LYPLA1: variants seen among roughly 807,000 people sequenced by gnomAD.
LYPLA1 encodes lysophospholipase 1.
Under a neutral mutation model 34.0 loss-of-function variants are expected in LYPLA1, and 17 were observed. The observed-to-expected ratio is 0.50, with a 90% confidence interval of 0.34 to 0.75. LYPLA1 has a LOEUF of 0.75. Among genes scored for constraint, LYPLA1 ranks in the 30% least tolerant of loss-of-function variants. The pLI is 0.01. For missense variants in LYPLA1, 203 were observed against 288.8 expected (o/e 0.70, Z 2.15); for synonymous variants, 98 against 100.8 (o/e 0.97, Z 0.17).
At chr8:54,093,674 C>T (rs1809475540) in intron 2 of LYPLA1, among the ~76,000 whole-genome samples, 1 of 152,152 alleles carries the variant, frequency 6.6e-6, no homozygotes, top group African/African-American at 2.4e-5. Context: ...TCGTATGTCT[C>T]ACCCTTTAAT....
chr8:54,096,801 T>C (rs1809721988), intron 2 of LYPLA1, among the ~76,000 whole-genome samples: 1 of 151,336 alleles, frequency 6.6e-6, no homozygotes, highest in African/African-American at 2.4e-5. Context: ...CCCAGCTACT[T>C]GGGAGGCTGA....
At chr8:54,095,205 C>T (rs1212472445) in intron 2 of LYPLA1, among the ~76,000 whole-genome samples, 2 of 152,070 alleles carry the variant, frequency 1.3e-5, no homozygotes, top group African/African-American at 4.8e-5. Flanking sequence ...TCATGTTGGC[C>T]AGGCTGGTAC....
chr8:54,062,188 T>G (rs574511182), intron 5 of LYPLA1, 66 bp downstream of exon 5: 1 of 1,150,182 alleles, frequency 8.7e-7, no homozygotes, highest in Admixed American at 1.9e-5. Context: ...AGTAGCGATA[T>G]GATTACTAAA....
chr8:54,052,762 A>G lies in LYPLA1; in HGVS notation c.361-6T>C. On this transcript the variant is annotated splice_polypyrimidine_tract_variant and splice_region_variant and intron_variant, in intron 6 of 8. Coordinates refer to ENST00000316963, the MANE Select transcript of LYPLA1 (RefSeq NM_006330.4). ...TATAAAGATAAAGCTCCTCCCTGAA[A>G]AGACAAGCAGGGAAAGTCAATGGAA... 1 of 1,585,358 alleles carries G rather than the reference A, an allele frequency of 6.3e-7. No individual in the cohort carries two copies. The highest frequency in any genetic ancestry group is 8.7e-7 in the Non-Finnish European group (1 of 1,154,624).
At chr8:54,081,697 G>A (rs1036331338) in intron 2 of LYPLA1, among the ~76,000 whole-genome samples, 4 of 150,942 alleles carry the variant, frequency 2.7e-5, no homozygotes, top group Non-Finnish European at 5.9e-5. Flanking sequence ...TTACAGGCGT[G>A]CACCACTGCG....
rs1322589215 is a variant in LYPLA1, at chr8:54,059,534, G to A, written c.286+2720C>T. The stretch of plus-strand genomic sequence containing the variant: ...TTAGCCAGGATGGTCTCGATCTCCT[G>A]ACCTCATGATCCACCCGCCTCGGCC... On this transcript the variant is annotated intron_variant, in intron 5 of 8. Transcript: ENST00000316963. 6.7e-5 allele frequency among the ~76,000 whole-genome samples: 5 copies of A among 74,090 alleles called. 1 individual carries two copies. The highest frequency in any genetic ancestry group is 3.8e-4 in the African/African-American group (3 of 7,894). 48.6% of individuals were successfully genotyped at this position (74,090 alleles called of 152,430 possible).
chr8:54,053,377 A>G, intron 6 of LYPLA1: 1 of 310,200 alleles, frequency 3.2e-6, no homozygotes, highest in South Asian at 2.9e-5. Flanking sequence ...TACAGGTGTG[A>G]GCCACCGTGC....
intron 2 of LYPLA1, among the ~76,000 whole-genome samples, chr8:54,098,513 T>C (rs1450797756): frequency 6.6e-6 from 1 of 152,112 alleles, no homozygotes; most frequent in Non-Finnish European, 1.5e-5. Context: ...ACCCCATCTC[T>C]ACTAAAAATA....
chr8:54,088,637 T>C (rs1184823806), intron 2 of LYPLA1, among the ~76,000 whole-genome samples: 1 of 152,218 alleles, frequency 6.6e-6, no homozygotes, highest in Non-Finnish European at 1.5e-5. Flanking sequence ...ACTAAAAACA[T>C]ATGTCCATAC....
intron 2 of LYPLA1, among the ~76,000 whole-genome samples, chr8:54,076,290 A>T (rs564536349): frequency 2.5e-3 from 377 of 152,328 alleles, no homozygotes; most frequent in Non-Finnish European, 4.4e-3. Flanking sequence ...AATGCCAGGA[A>T]CTGGAGTGCT....
At chr8:54,074,828 T>C (rs1336554086) in intron 2 of LYPLA1, among the ~76,000 whole-genome samples, 2 of 152,254 alleles carry the variant, frequency 1.3e-5, no homozygotes, top group African/African-American at 4.8e-5. Flanking sequence ...CATGTATGTG[T>C]GGACACCTTT....
At chr8:54,098,052 G>A (rs931602587) in intron 2 of LYPLA1, among the ~76,000 whole-genome samples, 4 of 151,564 alleles carry the variant, frequency 2.6e-5, no homozygotes, top group African/African-American at 9.7e-5. Context: ...ATGAAACCCC[G>A]TCTCTACTAA....
In LYPLA1 at chr8:54,046,776, T is replaced by C. The variant is rs1367199455; in HGVS notation, c.*1289A>G. 2.0e-5 allele frequency: 3 copies of C among 152,228 alleles called. No individual in the cohort carries two copies. Among genetic ancestry groups the C allele is most frequent in the African/African-American group, 7.2e-5 (3 of 41,478 alleles). The allele number at this position is 152,228 out of a possible 1,614,324, so 9.4% of individuals were successfully genotyped here. A position where few individuals can be genotyped will look rare whatever the true frequency, so the allele number is the denominator to read the frequency against. ...ATTAATCTGTATGGTAACTACACTT[T>C]ATGGTATAGGGTTCTGACTAGCCTT... On this transcript the variant is annotated 3_prime_UTR_variant, in exon 9 of 9. Coordinates refer to ENST00000316963, the MANE Select transcript of LYPLA1 (RefSeq NM_006330.4).
chr8:54,064,646 C>G (rs1204292765), intron 3 of LYPLA1, among the ~76,000 whole-genome samples: 1 of 152,194 alleles, frequency 6.6e-6, no homozygotes, highest in East Asian at 1.9e-4. Context: ...GCTACTACCA[C>G]TTCTGGGGAT....
intron 1 of LYPLA1, 110 bp downstream of exon 1, chr8:54,101,645 G>A (rs1255242257): frequency 6.9e-6 from 8 of 1,155,760 alleles, no homozygotes; most frequent in Admixed American, 9.2e-5. Flanking sequence ...GCCGGGAGGA[G>A]CGTCCTCGTC....
Position 54,073,500 on chromosome 8 carries a change from A to T in LYPLA1, c.102-7687T>A, listed in dbSNP as rs896788524. 3 of 727,856 alleles carry T rather than the reference A, an allele frequency of 4.1e-6. No individual in the cohort carries two copies. In the East Asian group the frequency reaches 7.6e-5, roughly 19 times the overall value. 45.1% of individuals were successfully genotyped at this position (727,856 alleles called of 1,614,324 possible). A position where few individuals can be genotyped will look rare whatever the true frequency, so the allele number is the denominator to read the frequency against. ...CATCTCATAGCTTCCAGGACTCCAG[A>T]ACTACCAGCATCTACACTGCCACTT... is the stretch of plus-strand genomic sequence containing the variant. On this transcript the variant is annotated intron_variant, in intron 2 of 8. Transcript: ENST00000316963.
At chr8:54,078,768 A>G (rs970998495) in intron 2 of LYPLA1, among the ~76,000 whole-genome samples, 4 of 152,108 alleles carry the variant, frequency 2.6e-5, no homozygotes, top group African/African-American at 4.8e-5. Context: ...AAGATTATAG[A>G]TTCTGTAGAT....
At chr8:54,079,626 AT>A (rs1808165170) in intron 2 of LYPLA1, among the ~76,000 whole-genome samples, 1 of 151,924 alleles carries the variant, frequency 6.6e-6, no homozygotes, top group South Asian at 2.1e-4. Flanking sequence ...AATGTGGCGA[AT>A]CCCCCATATC....
At chr8:54,092,983 G>A (rs577443907) in intron 2 of LYPLA1, among the ~76,000 whole-genome samples, 16 of 152,204 alleles carry the variant, frequency 1.1e-4, no homozygotes, top group East Asian at 5.8e-4. Context: ...CATGTAGCAC[G>A]TTATTCTTAT....
Sources: gnomAD v4.1 joint callset for allele counts (sites outside exome capture counted in the v4.1 genomes callset) on GRCh38, gnomAD v4.1.1 for gene constraint, MANE v1.5 for transcripts, NCBI Gene and HGNC (gene_info 2026-07-23, HGNC 2026-07-21) for gene names.